PBX3: variants seen among roughly 807,000 people sequenced by gnomAD.
PBX3 encodes the protein PBX homeobox 3, also known as pre-B-cell leukemia transcription factor 3.
PBX3 carries 14 observed loss-of-function variants against 48.5 expected under a neutral mutation model. The ratio of observed to expected loss-of-function variants is 0.29; its 90% CI spans 0.19 to 0.45. PBX3 has a LOEUF of 0.45. Ranked by LOEUF, PBX3 falls within the 20% of genes least tolerant of loss-of-function variation. The pLI is 1.00. For missense variants in PBX3, 386 were observed against 546.7 expected (o/e 0.71, Z 2.93); for synonymous variants, 210 against 200.3 (o/e 1.05, Z -0.41).
At chr9:125,748,178 T>C (rs934689713) in intron 1 of PBX3, 1 of 944,268 alleles carries the variant, frequency 1.1e-6, no homozygotes. Flanking sequence ...ACCCTCCCGC[T>C]GGCCGCAGTC....
chr9:125,844,211 A>G (rs1839365098), intron 2 of PBX3, among the ~76,000 whole-genome samples: 3 of 151,438 alleles, frequency 2.0e-5, no homozygotes. Flanking sequence ...TTTTGCCTGC[A>G]TATTTTAGGT....
intron 2 of PBX3, among the ~76,000 whole-genome samples, chr9:125,812,636 C>T (rs1244468647): frequency 6.6e-6 from 1 of 152,222 alleles, no homozygotes; most frequent in Non-Finnish European, 1.5e-5. Flanking sequence ...ACAGTCGTGT[C>T]ACTTAATGGC....
intron 2 of PBX3, among the ~76,000 whole-genome samples, chr9:125,855,969 T>G (rs1038000973): frequency 3.3e-5 from 5 of 152,138 alleles, no homozygotes; most frequent in African/African-American, 1.2e-4. Context: ...CTATATGATT[T>G]TTTTAAATAA....
At chr9:125,780,851 C>T (rs1277655463) in intron 2 of PBX3, among the ~76,000 whole-genome samples, 9 of 146,812 alleles carry the variant, frequency 6.1e-5, no homozygotes, top group South Asian at 4.4e-4. Context: ...GGGTGGCTGC[C>T]GGGCAGAGGG....
At chr9:125,765,073 A>G (rs959668364) in intron 2 of PBX3, among the ~76,000 whole-genome samples, 1 of 152,102 alleles carries the variant, frequency 6.6e-6, no homozygotes. Flanking sequence ...AGCAGATTAT[A>G]TACAGATACT....
Position 125,915,708 on chromosome 9 carries a change from G to C in PBX3, c.297G>C (p.Gln99His), listed in dbSNP as rs140051153. ...AAGGTCTCAGCATCAGAGGAGCCCA[G>C]GAGGAGGACCCTCCCGATCCCCAGC... ...EKTGLSIRGA[Q>H]EEDPPDPQLM... is the part of the protein sequence containing the mutation. The change falls in exon 3 of 9, where the codon CAG becomes CAC. Residue 99 changes from glutamine (Q) to histidine (H), a missense_variant. This residue lies in a region of PBX3 where 69 missense variants were observed against 99.1 expected (regional missense o/e 0.70). Transcript: ENST00000373489. 24 of 1,612,378 alleles carry C rather than the reference G, an allele frequency of 1.5e-5. No individual in the cohort carries two copies. The highest frequency in any genetic ancestry group is 2.0e-5 in the Non-Finnish European group (24 of 1,178,992).
chr9:125,754,833 A>G (rs1836469093), intron 2 of PBX3, among the ~76,000 whole-genome samples: 1 of 152,110 alleles, frequency 6.6e-6, no homozygotes, highest in Non-Finnish European at 1.5e-5. Flanking sequence ...CTTTTTTTGT[A>G]TAACTGTCTA....
At chr9:125,883,164 A>G (rs72752637) in intron 2 of PBX3, among the ~76,000 whole-genome samples, 7 of 152,344 alleles carry the variant, frequency 4.6e-5, no homozygotes, top group Non-Finnish European at 8.8e-5. Context: ...CTGTTGTTAA[A>G]ATGAATTCTA....
Position 125,963,025 on chromosome 9 carries a change from G to T in PBX3, c.1136G>T (p.Arg379Leu). 1 of 1,602,836 alleles carries T rather than the reference G, an allele frequency of 6.2e-7. No homozygotes were observed. The highest frequency in any genetic ancestry group is 8.5e-7 in the Non-Finnish European group (1 of 1,170,930). Reference protein sequence around the residue: ...ANVQSQVDTLRHVINQTGGYS... With the variant: ...ANVQSQVDTLLHVINQTGGYS... ...TCTCACTTCTAGGTGGATACCCTCCGTCATGTTATCAATCAGACGGGAGGC... is the reference window on the plus strand; with the variant it reads ...TCTCACTTCTAGGTGGATACCCTCCTTCATGTTATCAATCAGACGGGAGGC... Residue 379 changes from arginine to leucine, a missense_variant, in exon 8 of 9, where the codon CGT becomes CTT. Arg to Leu is a moderately radical substitution (Grantham distance 102). Coordinates refer to ENST00000373489, the MANE Select transcript of PBX3 (RefSeq NM_006195.6).
chr9:125,936,701 T>C (rs1391552689), intron 5 of PBX3, among the ~76,000 whole-genome samples: 1 of 152,198 alleles, frequency 6.6e-6, no homozygotes, highest in Non-Finnish European at 1.5e-5. Flanking sequence ...AGAGCAAACT[T>C]TGATTCATAA....
intron 5 of PBX3, among the ~76,000 whole-genome samples, chr9:125,938,902 T>A (rs1841896968): frequency 6.6e-6 from 1 of 152,034 alleles, no homozygotes; most frequent in Non-Finnish European, 1.5e-5. Flanking sequence ...ATACACTGAC[T>A]GACTTAGGGG....
chr9:125,777,738 G>T (rs1395568395), intron 2 of PBX3, among the ~76,000 whole-genome samples: 2 of 151,954 alleles, frequency 1.3e-5, no homozygotes, highest in African/African-American at 4.8e-5. Context: ...AAGATTTTTT[G>T]ATTACTTTAC....
intron 2 of PBX3, among the ~76,000 whole-genome samples, chr9:125,911,113 C>T (rs1841194219): frequency 6.6e-6 from 1 of 152,060 alleles, no homozygotes; most frequent in Admixed American, 6.6e-5. Context: ...TTTTCAGTGT[C>T]TTTCACCACT....
At position 125,967,295 on chromosome 9, in the gene PBX3, T is replaced by C. The variant is rs1842554715; in HGVS notation, c.*1372T>C. 1 of 152,670 alleles carries C rather than the reference T, an allele frequency of 6.6e-6. No individual in the cohort carries two copies. The highest frequency in any genetic ancestry group is 2.4e-5 in the African/African-American group (1 of 41,450). The allele number at this position is 152,670 out of a possible 1,614,324, so 9.5% of individuals were successfully genotyped here. ...GTTTCGTGTTCCTTTCTAACTGGAT[T>C]ACACCCTGGATTGAAAAAGTCTTCC... On this transcript the variant is annotated 3_prime_UTR_variant, in exon 9 of 9. Coordinates refer to ENST00000373489, the MANE Select transcript of PBX3 (RefSeq NM_006195.6).
intron 4 of PBX3, among the ~76,000 whole-genome samples, chr9:125,932,023 G>T (rs187679025): frequency 1.3e-5 from 2 of 152,084 alleles, no homozygotes; most frequent in African/African-American, 4.8e-5. Context: ...GTTCTTTCCT[G>T]TGTTTCTTCC....
chr9:125,866,547 C>T (rs1007160372), intron 2 of PBX3, among the ~76,000 whole-genome samples: 2 of 152,062 alleles, frequency 1.3e-5, no homozygotes, highest in Non-Finnish European at 2.9e-5. Context: ...CATCTCTCTG[C>T]CTAGATTGTA....
At chr9:125,948,372 TAAACAGTTTA>T (rs1449437155) in intron 5 of PBX3, among the ~76,000 whole-genome samples, 2 of 152,214 alleles carry the variant, frequency 1.3e-5, no homozygotes, top group Non-Finnish European at 2.9e-5. Context: ...AAATAAATTT[TAAACAGTTTA>T]AAACAGAGTA....
intron 2 of PBX3, among the ~76,000 whole-genome samples, chr9:125,839,756 G>A (rs1169092261): frequency 1.3e-5 from 2 of 152,166 alleles, no homozygotes; most frequent in African/African-American, 2.4e-5. Context: ...ATGAAAGGCC[G>A]AGGAAAGCAA....
At chr9:125,790,603 C>T (rs1000855984) in intron 2 of PBX3, among the ~76,000 whole-genome samples, 1 of 152,040 alleles carries the variant, frequency 6.6e-6, no homozygotes, top group Non-Finnish European at 1.5e-5. Flanking sequence ...GAGTCCTGTT[C>T]TGTCACCCAG....
Sources: allele counts gnomAD v4.1 joint callset (sites outside exome capture counted in the v4.1 genomes callset), GRCh38; gene constraint gnomAD v4.1.1; regional missense constraint gnomAD v4.1.1; transcripts MANE v1.5; gene names NCBI Gene and HGNC (gene_info 2026-07-23, HGNC 2026-07-21).